The following DHX30 variants were observed in gnomAD, a reference collection of about 807,000 sequenced individuals.
DHX30 encodes the protein ATP-dependent RNA helicase DHX30.
In DHX30, 4 loss-of-function variants were observed where a neutral mutation model predicts 116.9. The observed-to-expected ratio is 0.03, with a 90% confidence interval of 0.02 to 0.08. DHX30 has a LOEUF of 0.08. DHX30 is among the 10% of genes least tolerant of loss of function. The pLI is 1.00. For synonymous variants in DHX30, 697 were observed against 651.7 expected (o/e 1.07, Z -1.06); for missense variants, 871 against 1,595.1 (o/e 0.55, Z 7.73).
chr3:47,847,122 A>C lies in DHX30; in HGVS notation c.1929+121A>C, dbSNP rs1466171448. On this transcript the variant is annotated intron_variant, in intron 11 of 21. Coordinates refer to ENST00000445061, the MANE Select transcript of DHX30 (RefSeq NM_138615.3). The surrounding 1 kb of genome is among the most constrained non-coding windows in gnomAD (Gnocchi z 5.5). ...CCCTCCCCAGTCCTCGGTTTCCTTGATAGAAACTGGGGACTAACCCTGCCT... is the reference window on the plus strand; with the variant it reads ...CCCTCCCCAGTCCTCGGTTTCCTTGCTAGAAACTGGGGACTAACCCTGCCT... The C allele has an allele frequency of 6.7e-7, 1 of 1,487,328 alleles. No individual in the cohort carries two copies. Among genetic ancestry groups the C allele is most frequent in the East Asian group, 2.3e-5 (1 of 43,824 alleles). 92.1% of individuals were successfully genotyped at this position (1,487,328 alleles called of 1,614,324 possible).
At chr3:47,849,386 C>T (rs2037884007) in intron 19 of DHX30, 37 bp downstream of exon 19, 1 of 1,590,858 alleles carries the variant, frequency 6.3e-7, no homozygotes, top group African/African-American at 1.3e-5. Flanking sequence ...TCACCAGGTC[C>T]CAGCCTCCTT....
At chr3:47,818,985 G>A (rs374563163) in intron 4 of DHX30, among the ~76,000 whole-genome samples, 8 of 152,244 alleles carry the variant, frequency 5.3e-5, no homozygotes, top group Middle Eastern at 3.4e-3. Flanking sequence ...TGAAGGTCAA[G>A]AGCTCAGGAG....
rs192010039 is a variant in DHX30 at position 47,821,086 on chromosome 3, C to T, written c.124+2969C>T. On this transcript the variant is annotated intron_variant, in intron 4 of 21. Coordinates refer to ENST00000445061, the MANE Select transcript of DHX30 (RefSeq NM_138615.3). ...CTTGTGCCTCAGCCTCCCTGGTAACCGGAACTACAGGCATGCACCAGCATG... is the reference window on the plus strand; with the variant it reads ...CTTGTGCCTCAGCCTCCCTGGTAACTGGAACTACAGGCATGCACCAGCATG... 3.1e-3 allele frequency among the ~76,000 whole-genome samples: 477 copies of T among 151,742 alleles called. 2 individuals are homozygous for T. Among genetic ancestry groups the T allele is most frequent in the African/African-American group, 7.8e-3 (322 of 41,398 alleles).
intron 4 of DHX30, chr3:47,819,208 T>G (rs1249604081): frequency 7.3e-7 from 1 of 1,367,750 alleles, no homozygotes; most frequent in African/African-American, 1.5e-5. Context: ...TTTTTTTTCT[T>G]TCTTAAAATG....
intron 1 of DHX30, among the ~76,000 whole-genome samples, chr3:47,805,076 A>C (rs11706549): frequency 0.047 from 7,128 of 152,268 alleles, 218 homozygotes; most frequent in Non-Finnish European, 0.074. Context: ...GGCTTTCTTT[A>C]CCTTGACATC....
At chr3:47,817,340 A>G (rs1402217486) in intron 3 of DHX30, among the ~76,000 whole-genome samples, 2 of 152,164 alleles carry the variant, frequency 1.3e-5, no homozygotes, top group Non-Finnish European at 2.9e-5. Flanking sequence ...TGGAAGACTC[A>G]GTGCCTTAAT....
At position 47,849,920 on chromosome 3, in the gene DHX30, G is replaced by C; in HGVS notation, c.3385G>C (p.Glu1129Gln). The C allele has an allele frequency of 6.2e-7, 1 of 1,613,400 alleles. No individual in the cohort carries two copies. The highest frequency in any genetic ancestry group is 8.5e-7 in the Non-Finnish European group (1 of 1,179,828). ...SLSDSDLLRL[E>Q]GDSRTVRLLK... is the part of the protein sequence containing the mutation. ...GAGCGACAGTGACCTGCTGCGGCTG[G>C]AGGGTGACTCGCGTACCGTGCGGCT... Residue 1129 changes from glutamate (E) to glutamine (Q), a missense_variant, in exon 22 of 22, where the codon GAG (glutamate) becomes CAG (glutamine). Physicochemically the swap from Glu to Gln is conservative, Grantham distance 29. Transcript: ENST00000445061.
chr3:47,841,308 A>G lies in DHX30; in HGVS notation c.668+130A>G, dbSNP rs544567696. ...CACATTTCAGCCTGTGTGCCCCATCACTCAGTGTGTGTCTGCCCATTCTTG... is the reference window on the plus strand; with the variant it reads ...CACATTTCAGCCTGTGTGCCCCATCGCTCAGTGTGTGTCTGCCCATTCTTG... On this transcript the variant is annotated intron_variant, in intron 7 of 21. Coordinates refer to ENST00000445061, the MANE Select transcript of DHX30 (RefSeq NM_138615.3). 3 of 1,367,504 alleles carry G rather than the reference A, an allele frequency of 2.2e-6. No individual in the cohort carries two copies. In the Admixed American group the frequency reaches 7.4e-5, roughly 34 times the overall value. The allele number at this position is 1,367,504 out of a possible 1,614,324, so 84.7% of individuals were successfully genotyped here. A position where few individuals can be genotyped will look rare whatever the true frequency, so the allele number is the denominator to read the frequency against.
chr3:47,846,878 C>T lies in DHX30; in HGVS notation c.1806C>T (p.Tyr602=). The T allele has an allele frequency of 1.2e-6, 2 of 1,613,142 alleles. No homozygotes were observed. The highest frequency in any genetic ancestry group is 2.2e-5 in the South Asian group (2 of 91,062). The change falls in exon 11 of 22, where the codon TAC becomes TAT. Residue 602 remains tyrosine (Y), a synonymous_variant. Coordinates refer to ENST00000445061, the MANE Select transcript of DHX30 (RefSeq NM_138615.3). ...GGGACAATGAGCGCTTCTCCCGATA[C>T]TTTGGTGGCTGCCCCGTCATCAAGG... The part of the protein sequence containing the change: ...ATGDNERFSR[Y]FGGCPVIKVP...
chr3:47,849,800 G>A (rs1361656568), intron 21 of DHX30, 31 bp downstream of exon 21: 3 of 1,607,840 alleles, frequency 1.9e-6, no homozygotes, highest in East Asian at 2.2e-5. Context: ...CGCCCACCCC[G>A]CTCTGCAGCT....
intron 6 of DHX30, among the ~76,000 whole-genome samples, chr3:47,834,769 C>T (rs963730784): frequency 6.6e-6 from 1 of 151,954 alleles, no homozygotes; most frequent in Admixed American, 6.6e-5. Context: ...CAGATCTCCT[C>T]TTCTTTAAAG....
chr3:47,827,281 TACAC>T (rs2036593227), intron 4 of DHX30, 62 bp from the exon 5 acceptor site: 1 of 1,512,592 alleles, frequency 6.6e-7, no homozygotes, highest in Non-Finnish European at 8.9e-7. Flanking sequence ...GTTGCCCTGA[TACAC>T]ACCCCATGGA....
chr3:47,848,871 G>A lies in DHX30; in HGVS notation c.2770-49G>A, dbSNP rs368605984. On this transcript the variant is annotated intron_variant, in intron 17 of 21. Transcript: ENST00000445061. This position sits in a 1 kb window ranked among gnomAD's most constrained non-coding sequence, Gnocchi z 9.4. ...CCACCCACTGCTGTTCTGAGGGGGC[G>A]TTGTCTAGCCCCTGCCTGTGATCCG... 14 of 1,597,298 alleles carry A rather than the reference G, an allele frequency of 8.8e-6. No homozygotes were observed. The highest frequency in any genetic ancestry group is 5.0e-5 in the Admixed American group (3 of 59,450).
intron 3 of DHX30, chr3:47,816,650 C>T (rs765438292): frequency 3.5e-4 from 340 of 985,456 alleles, no homozygotes; most frequent in Middle Eastern, 5.2e-4. Context: ...GCCACCGCGC[C>T]GGGCTACAAA....
Position 47,849,045 on chromosome 3 carries a change from C to G in DHX30, c.2895C>G (p.Asn965Lys). ...RSSRENYLEENLLYAPSLRFI... is the reference protein window; with the variant it reads ...RSSRENYLEEKLLYAPSLRFI... ...CCCGGGAGAATTACCTGGAGGAAAA[C>G]CTGCTGTACGCACCCAGCCTGCGCT... is the stretch of plus-strand genomic sequence containing the variant. Residue 965 changes from asparagine (N) to lysine (K), a missense_variant, in exon 18 of 22, where the codon AAC becomes AAG. This residue lies in a region of DHX30 where 238 missense variants were observed against 481.0 expected (regional missense o/e 0.49). Transcript: ENST00000445061. 1 of 1,612,854 alleles carries G rather than the reference C, an allele frequency of 6.2e-7. No individual in the cohort carries two copies. The highest frequency in any genetic ancestry group is 8.5e-7 in the Non-Finnish European group (1 of 1,179,384).
intron 6 of DHX30, among the ~76,000 whole-genome samples, chr3:47,833,735 G>C (rs2036975777): frequency 6.6e-6 from 1 of 151,696 alleles, no homozygotes; most frequent in South Asian, 2.1e-4. Context: ...GTGCATGCCT[G>C]TAGTCCCAGC....
At position 47,849,847 on chromosome 3, in the gene DHX30, C is replaced by CATCT. The variant is rs2038037455; in HGVS notation, c.3332-19_3332-16dup. The CATCT allele has an allele frequency of 1.9e-6, 3 of 1,610,922 alleles. No individual in the cohort carries two copies. Among genetic ancestry groups the CATCT allele is most frequent in the Non-Finnish European group, 2.5e-6 (3 of 1,177,658 alleles). On this transcript the variant is annotated intron_variant, in intron 21 of 21. Coordinates refer to ENST00000445061, the MANE Select transcript of DHX30 (RefSeq NM_138615.3). ...GCCTGGCCTCACCACAGTTCCCCAC[C>CATCT]ATCTTTTCCATTCCCTCAGATGACG...
chr3:47,813,647 A>C (rs1303149231), intron 3 of DHX30, among the ~76,000 whole-genome samples: 1 of 152,208 alleles, frequency 6.6e-6, no homozygotes, highest in Non-Finnish European at 1.5e-5. Context: ...ACCATAACAG[A>C]ACGTCTATAA....
intron 6 of DHX30, among the ~76,000 whole-genome samples, chr3:47,838,983 C>T (rs1369869144): frequency 6.6e-6 from 1 of 152,030 alleles, no homozygotes; most frequent in Non-Finnish European, 1.5e-5. Context: ...AAGTGATCCT[C>T]TTGCCTCAGC....
Sources: allele counts gnomAD v4.1 joint callset (sites outside exome capture counted in the v4.1 genomes callset), GRCh38; gene constraint gnomAD v4.1.1; regional missense constraint gnomAD v4.1.1; non-coding constraint Gnocchi (gnomAD v3.1); transcripts MANE v1.5; gene names NCBI Gene and HGNC (gene_info 2026-07-23, HGNC 2026-07-21).